The following PARP15 variants were observed in gnomAD, a reference collection of about 807,000 sequenced individuals.
PARP15 encodes the protein poly(ADP-ribose) polymerase family member 15, also known as protein mono-ADP-ribosyltransferase PARP15.
PARP15 carries 50 observed loss-of-function variants against 62.1 expected under a neutral mutation model. The observed-to-expected ratio is 0.81, with a 90% confidence interval of 0.64 to 1.02. The LOEUF (loss-of-function observed/expected upper bound fraction) is 1.02, where lower values mean the gene tolerates loss of function less well. Among genes scored for constraint, PARP15 ranks in the 50% least tolerant of loss-of-function variants. The pLI is 0.00. For synonymous variants in PARP15, 309 were observed against 293.1 expected, an observed-to-expected ratio of 1.05 and a Z score of -0.55; for missense variants, 820 against 826.5, an observed-to-expected ratio of 0.99 and a Z score of 0.10.
chr3:122,584,540 T>G (rs13073175), intron 1 of PARP15, among the ~76,000 whole-genome samples: 18,813 of 151,374 alleles, frequency 0.12, 1,278 homozygotes, highest in East Asian at 0.22. Flanking sequence ...CATCTGTTTT[T>G]ATCATGTTAA....
At chr3:122,628,433 A>AAAGC (rs1249179694) in intron 9 of PARP15, among the ~76,000 whole-genome samples, 2 of 152,254 alleles carry the variant, frequency 1.3e-5, no homozygotes, top group African/African-American at 2.4e-5. Context: ...GCAGTTAAAA[A>AAAGC]TAGTATGTAC....
At chr3:122,632,000 C>G in intron 9 of PARP15, 86 bp from the exon 10 acceptor site, 1 of 1,476,080 alleles carries the variant, frequency 6.8e-7, no homozygotes, top group Non-Finnish European at 9.4e-7. Flanking sequence ...GTTTGGATGA[C>G]GAGAGACAAG....
At chr3:122,597,400 G>A (rs1229039322) in intron 1 of PARP15, among the ~76,000 whole-genome samples, 3 of 151,380 alleles carry the variant, frequency 2.0e-5, no homozygotes, top group Admixed American at 6.6e-5. Context: ...TAGGGTACAT[G>A]TGCACAATGT....
chr3:122,589,491 G>A (rs1386002751), intron 1 of PARP15, among the ~76,000 whole-genome samples: 1 of 152,144 alleles, frequency 6.6e-6, no homozygotes, highest in Non-Finnish European at 1.5e-5. Context: ...ACTTTTTAAG[G>A]AACTGATACA....
At chr3:122,591,781 A>AAAAAG (rs55953236) in intron 1 of PARP15, among the ~76,000 whole-genome samples, 3 of 149,674 alleles carry the variant, frequency 2.0e-5, no homozygotes, top group African/African-American at 2.4e-5. Context: ...AAAAAAAAAA[A>AAAAAG]GGTATTGATA....
chr3:122,609,712 A>T (rs868260237), intron 2 of PARP15, among the ~76,000 whole-genome samples: 2,167 of 98,336 alleles, frequency 0.022, 54 homozygotes, highest in African/African-American at 0.21. Flanking sequence ...AAAAAAAATT[A>T]AAAAAAAAAA....
At chr3:122,585,669 A>G (rs1451154308) in intron 1 of PARP15, among the ~76,000 whole-genome samples, 1 of 152,230 alleles carries the variant, frequency 6.6e-6, no homozygotes, top group Non-Finnish European at 1.5e-5. Context: ...ATAAAAGCTG[A>G]ACCAGATTGG....
intron 2 of PARP15, among the ~76,000 whole-genome samples, chr3:122,608,009 G>A (rs1935271425): frequency 6.6e-6 from 1 of 151,786 alleles, no homozygotes; most frequent in African/African-American, 2.4e-5. Flanking sequence ...ATTTTAGCAG[G>A]TACTTCTCTG....
chr3:122,591,815 T>G (rs917015533), intron 1 of PARP15, among the ~76,000 whole-genome samples: 1 of 150,358 alleles, frequency 6.7e-6, no homozygotes, highest in African/African-American at 2.4e-5. Context: ...CTTTCACCTT[T>G]CATTTGCAAA....
intron 6 of PARP15, among the ~76,000 whole-genome samples, chr3:122,617,716 T>C (rs928485967): frequency 1.2e-4 from 19 of 152,302 alleles, no homozygotes; most frequent in African/African-American, 4.3e-4. Context: ...TTATAACTTA[T>C]ACACATACAC....
At chr3:122,584,121 T>C (rs1427547830) in intron 1 of PARP15, among the ~76,000 whole-genome samples, 2 of 152,262 alleles carry the variant, frequency 1.3e-5, no homozygotes, top group African/African-American at 2.4e-5. Context: ...TATTGCCTGT[T>C]ATCAAATATC....
chr3:122,585,439 A>C (rs1222057257), intron 1 of PARP15, among the ~76,000 whole-genome samples: 1 of 152,222 alleles, frequency 6.6e-6, no homozygotes. Context: ...AGGTAGTGCT[A>C]AGAGACATGA....
chr3:122,632,071 A>G lies in PARP15; in HGVS notation c.1439-15A>G, dbSNP rs758070633. ...GAAATGAATGTTGTGTTTTGACCAA[A>G]TGCTGACTTTCCAGGTAATCTTCCT... On this transcript the variant is annotated splice_polypyrimidine_tract_variant and intron_variant, in intron 9 of 11. Coordinates refer to ENST00000464300, the MANE Select transcript of PARP15 (RefSeq NM_001113523.3). 6.2e-7 allele frequency: 1 copy of G among 1,613,894 alleles called. No homozygotes were observed. Among genetic ancestry groups the G allele is most frequent in the Non-Finnish European group, 8.5e-7 (1 of 1,179,940 alleles).
At chr3:122,623,353 A>G in intron 8 of PARP15, among the ~76,000 whole-genome samples, 1 of 152,188 alleles carries the variant, frequency 6.6e-6, no homozygotes, top group East Asian at 1.9e-4. Flanking sequence ...TTTGGAACAG[A>G]TGCAAGACAT....
At chr3:122,590,100 A>G (rs910421312) in intron 1 of PARP15, among the ~76,000 whole-genome samples, 1 of 151,634 alleles carries the variant, frequency 6.6e-6, no homozygotes, top group South Asian at 2.1e-4. Context: ...GTTAGCCAGG[A>G]TGGTCTTGAT....
chr3:122,625,462 C>T (rs552349803), intron 8 of PARP15, among the ~76,000 whole-genome samples: 8 of 152,252 alleles, frequency 5.3e-5, no homozygotes, highest in East Asian at 3.9e-4. Context: ...CCATATTGGC[C>T]GGTCCAGTCT....
chr3:122,604,815 C>T (rs1935045920), intron 1 of PARP15, among the ~76,000 whole-genome samples: 1 of 151,842 alleles, frequency 6.6e-6, no homozygotes, highest in African/African-American at 2.4e-5. Flanking sequence ...GAGCCAAAAT[C>T]GTGCCATTAC....
At chr3:122,597,498 G>A (rs1477957012) in intron 1 of PARP15, among the ~76,000 whole-genome samples, 1 of 152,128 alleles carries the variant, frequency 6.6e-6, no homozygotes, top group African/African-American at 2.4e-5. Context: ...CCAACCGCAG[G>A]TGATCTGCCC....
At chr3:122,633,545 C>A (rs1460564748) in intron 10 of PARP15, among the ~76,000 whole-genome samples, 2 of 149,478 alleles carry the variant, frequency 1.3e-5, no homozygotes, top group South Asian at 4.2e-4. Flanking sequence ...CAGACTTTTT[C>A]TTCTTGTCAT....
Sources: allele counts gnomAD v4.1 joint callset (sites outside exome capture counted in the v4.1 genomes callset), GRCh38; gene constraint gnomAD v4.1.1; transcripts MANE v1.5; gene names NCBI Gene and HGNC (gene_info 2026-07-23, HGNC 2026-07-21).